TEKT5: variants seen among roughly 807,000 people sequenced by gnomAD.
TEKT5 encodes tektin-5.
Under a neutral mutation model 48.7 loss-of-function variants are expected in TEKT5, and 52 were observed. The observed-to-expected ratio is 1.07, with a 90% CI of 0.86 to 1.35. The LOEUF (loss-of-function observed/expected upper bound fraction) is 1.35, where lower values mean the gene tolerates loss of function less well. Ranked by LOEUF, TEKT5 falls within the 40% of genes most tolerant of loss-of-function variation. The probability of loss-of-function intolerance (pLI) is 0.00; values close to 1 mark genes in which losing one functional copy is unlikely to be tolerated. For synonymous variants in TEKT5, 318 were observed against 267.6 expected, an observed-to-expected ratio of 1.19 and a Z score of -1.84; for missense variants, 831 against 641.6, an observed-to-expected ratio of 1.30 and a Z score of -3.19.
In TEKT5 at chr16:10,694,696, T is replaced by C. The variant is rs144083324; in HGVS notation, c.178A>G (p.Asn60Asp). The C allele has an allele frequency of 1.1e-3, 1,842 of 1,613,782 alleles. 4 individuals carry two copies. The highest frequency in any genetic ancestry group is 1.4e-3 in the Non-Finnish European group (1,606 of 1,179,806). The change falls in exon 1 of 7, where the codon AAC becomes GAC. Residue 60 changes from asparagine (N) to aspartate (D), a missense_variant. Physicochemically the swap from Asn to Asp is conservative, Grantham distance 23. Coordinates refer to ENST00000283025, the MANE Select transcript of TEKT5 (RefSeq NM_144674.2). ...WRPSLFYKIA[N>D]VQTCPDESTS... ...CTCTCGTCCGGGCAGGTCTGGACGT[T>C]GGCTATCTTGTAGAAGAGGCTAGGC... is the stretch of plus-strand genomic sequence containing the variant.
chr16:10,674,627 A>G (rs1190119118), intron 5 of TEKT5, among the ~76,000 whole-genome samples: 1 of 150,594 alleles, frequency 6.6e-6, no homozygotes, highest in Admixed American at 6.6e-5. Flanking sequence ...GAAAAAAAAA[A>G]AAAAAAAAAA....
chr16:10,694,344 T>A lies in TEKT5; in HGVS notation c.530A>T (p.Glu177Val). 1 of 1,611,028 alleles carries A rather than the reference T, an allele frequency of 6.2e-7. No individual in the cohort carries two copies. The highest frequency in any genetic ancestry group is 1.1e-5 in the South Asian group (1 of 90,582). Residue 177 changes from glutamate to valine, a missense_variant, in exon 1 of 7, where the codon GAG becomes GTG. Glu to Val is a moderately radical substitution (Grantham distance 121). Transcript: ENST00000283025. ...GCAGTTCACCTCATTGGCCGCGCACTCCAGCCGCCTCTTGACCGTCTCCAA... is the reference window on the plus strand; with the variant it reads ...GCAGTTCACCTCATTGGCCGCGCACACCAGCCGCCTCTTGACCGTCTCCAA... ...QNLETVKRRL[E>V]CAANEVNCPL... is the part of the protein sequence containing the mutation.
At chr16:10,648,651 A>T (rs1311037161) in intron 5 of TEKT5, among the ~76,000 whole-genome samples, 4 of 152,136 alleles carry the variant, frequency 2.6e-5, no homozygotes, top group Non-Finnish European at 1.5e-5. Context: ...TGGTTTTTAG[A>T]TAAGAGAAAT....
intron 5 of TEKT5, among the ~76,000 whole-genome samples, chr16:10,651,362 A>T (rs1898153467): frequency 6.6e-6 from 1 of 152,174 alleles, no homozygotes; most frequent in South Asian, 2.1e-4. Context: ...TATCCCTGGC[A>T]TACTGTATGT....
intron 4 of TEKT5, among the ~76,000 whole-genome samples, chr16:10,677,986 G>C (rs35506799): frequency 0.22 from 33,158 of 152,156 alleles, 4,397 homozygotes; most frequent in East Asian, 0.54. Flanking sequence ...CTTAGAGGTG[G>C]TGACACATGA....
intron 5 of TEKT5, among the ~76,000 whole-genome samples, chr16:10,659,361 G>C (rs765078288): frequency 6.6e-6 from 1 of 152,152 alleles, no homozygotes; most frequent in Non-Finnish European, 1.5e-5. Context: ...GTTCTTTGCT[G>C]TGTTATACCT....
At chr16:10,673,713 A>C (rs1322040024) in intron 5 of TEKT5, among the ~76,000 whole-genome samples, 1 of 129,080 alleles carries the variant, frequency 7.7e-6, no homozygotes, top group East Asian at 2.2e-4. Context: ...TGCAGTGGTG[A>C]GATCTCGGCT....
chr16:10,671,066 A>G (rs1385384391), intron 5 of TEKT5, among the ~76,000 whole-genome samples: 1 of 152,138 alleles, frequency 6.6e-6, no homozygotes, highest in Non-Finnish European at 1.5e-5. Context: ...CCTCCATTCA[A>G]AAGATCCTTT....
At chr16:10,630,887 C>T (rs1425623027) in intron 6 of TEKT5, among the ~76,000 whole-genome samples, 1 of 151,474 alleles carries the variant, frequency 6.6e-6, no homozygotes, top group African/African-American at 2.4e-5. Context: ...AGCCAGGTGT[C>T]ATGGTGCACA....
intron 5 of TEKT5, among the ~76,000 whole-genome samples, chr16:10,648,132 C>G (rs1275755175): frequency 6.6e-6 from 1 of 152,208 alleles, no homozygotes; most frequent in Non-Finnish European, 1.5e-5. Context: ...AAAAAAGGCA[C>G]CATGTCAGTT....
intron 1 of TEKT5, among the ~76,000 whole-genome samples, chr16:10,691,734 G>A (rs532021942): frequency 3.4e-4 from 51 of 152,204 alleles, no homozygotes; most frequent in African/African-American, 1.2e-3. Flanking sequence ...GGATCACGAG[G>A]TCAAGAGATC....
At chr16:10,669,700 C>A (rs908721086) in intron 5 of TEKT5, among the ~76,000 whole-genome samples, 1 of 151,978 alleles carries the variant, frequency 6.6e-6, no homozygotes, top group Non-Finnish European at 1.5e-5. Context: ...ATCCTACCCC[C>A]AAAAACCATA....
rs532992802 is a variant in TEKT5, at chr16:10,681,015, T to C, written c.863+978A>G. Among the ~76,000 whole-genome samples the C allele has an allele frequency of 9.1e-5, 10 of 109,740 alleles. No homozygotes were observed. In the South Asian group the frequency reaches 2.9e-3, roughly 32 times the overall value. The allele number at this position is 109,740 out of a possible 152,430, so 72.0% of individuals were successfully genotyped here. ...CCTAAAACTTAAAGTATAATAATAA[T>C]AATAAATAAATAAATAAGAAAAATA... On this transcript the variant is annotated intron_variant, in intron 4 of 6. Transcript: ENST00000283025.
intron 3 of TEKT5, among the ~76,000 whole-genome samples, chr16:10,687,247 C>T (rs189794761): frequency 6.6e-6 from 1 of 152,202 alleles, no homozygotes; most frequent in African/African-American, 2.4e-5. Context: ...TGTGAGGTAA[C>T]ATATATGTTA....
At chr16:10,655,974 G>C (rs888686248) in intron 5 of TEKT5, among the ~76,000 whole-genome samples, 2 of 152,196 alleles carry the variant, frequency 1.3e-5, no homozygotes, top group African/African-American at 4.8e-5. Context: ...TCCCAAATGA[G>C]TTGTCATATA....
intron 5 of TEKT5, among the ~76,000 whole-genome samples, chr16:10,640,162 C>T (rs1348085045): frequency 6.8e-6 from 1 of 148,046 alleles, no homozygotes. Flanking sequence ...CCTCCTCCTC[C>T]GTGTGACAGG....
intron 5 of TEKT5, among the ~76,000 whole-genome samples, chr16:10,648,313 T>G (rs1300045496): frequency 6.6e-6 from 1 of 151,888 alleles, no homozygotes; most frequent in Non-Finnish European, 1.5e-5. Context: ...TGGCTTTTAT[T>G]TTTATTTATC....
chr16:10,677,168 G>A (rs955135777), intron 4 of TEKT5, among the ~76,000 whole-genome samples: 21 of 152,206 alleles, frequency 1.4e-4, no homozygotes, highest in Admixed American at 1.3e-4. Context: ...TCCAGCCTGG[G>A]CAACACAACA....
intron 5 of TEKT5, among the ~76,000 whole-genome samples, chr16:10,669,845 A>T (rs1180724291): frequency 6.6e-6 from 1 of 152,166 alleles, no homozygotes; most frequent in East Asian, 1.9e-4. Flanking sequence ...ATCAGCACTC[A>T]AAGGCAGCAA....
Sources: gnomAD v4.1 joint callset for allele counts (sites outside exome capture counted in the v4.1 genomes callset) on GRCh38, gnomAD v4.1.1 for gene constraint, MANE v1.5 for transcripts, NCBI Gene and HGNC (gene_info 2026-07-23, HGNC 2026-07-21) for gene names.